The following RIPPLY1 variants were observed in gnomAD, a reference collection of about 807,000 sequenced individuals.
RIPPLY1 encodes the protein protein ripply1.
RIPPLY1 carries 10 observed loss-of-function variants against 8.7 expected under a neutral mutation model. The ratio of observed to expected loss-of-function variants is 1.15; its 90% CI spans 0.71 to 1.94. The LOEUF is 1.94. Among genes scored for constraint, RIPPLY1 ranks in the 30% most tolerant of loss-of-function variants. The probability of loss-of-function intolerance (pLI) is 0.00; values close to 1 mark genes in which losing one functional copy is unlikely to be tolerated. For synonymous variants in RIPPLY1, 54 were observed against 44.8 expected (o/e 1.20, Z -0.82); for missense variants, 118 against 108.7 (o/e 1.09, Z -0.38).
chrX:106,901,597 C>A, intron 2 of RIPPLY1, 59 bp from the exon 3 acceptor site: 2 of 1,111,591 alleles, frequency 1.8e-6, no homozygotes. Context: ...ACTTCCTCCT[C>A]TGTACTAGAG....
At chrX:106,903,004 G>A in intron 1 of RIPPLY1, 129 bp downstream of exon 1, 2 of 673,915 alleles carry the variant, frequency 3.0e-6, no homozygotes, top group Non-Finnish European at 4.5e-6. Flanking sequence ...GAGTTGAGGA[G>A]GGAGGGCTAT....
chrX:106,902,132 G>C lies in RIPPLY1; in HGVS notation c.231+8C>G, dbSNP rs574055315. The C allele has an allele frequency of 8.4e-7, 1 of 1,188,569 alleles. No homozygotes were observed. Among genetic ancestry groups the C allele is most frequent in the African/African-American group, 1.8e-5 (1 of 56,573 alleles). On this transcript the variant is annotated splice_region_variant and intron_variant, in intron 2 of 3. Transcript: ENST00000276173. The stretch of plus-strand genomic sequence containing the variant: ...ATGTGAACACACGTCACAAGGGCTC[G>C]AACTCACCAAATCCACCAGCTTCCT...
rs371828879 is a variant in RIPPLY1, at chrX:106,903,281, A to G, written c.7T>C (p.Ser3Pro). 6.7e-5 allele frequency: 80 copies of G among 1,200,371 alleles called. No individual in the cohort carries two copies. The Middle Eastern group carries it at 8.1e-4, about 12-fold the overall frequency. Residue 3 changes from serine (S) to proline (P), a missense_variant, in exon 1 of 4, where the codon TCT becomes CCT. Ser to Pro is a moderately conservative substitution (Grantham distance 74). Transcript: ENST00000276173. ...GTGGCAGCAGCAGCACAGGCAGCAG[A>G]GTCCATTCTTAGGGGACCAAAGCCA... Reference protein sequence around the residue: MDSAACAAAATPV... With the variant: MDPAACAAAATPV...
In RIPPLY1 at chrX:106,900,874, G is replaced by A. The variant is rs192157677; in HGVS notation, c.331C>T (p.Leu111=). The change falls in exon 4 of 4, where the codon CTG becomes TTG. Residue 111 remains leucine, a synonymous_variant. Coordinates refer to ENST00000276173, the MANE Select transcript of RIPPLY1 (RefSeq NM_138382.3). ...FWPKSRSFDY[L]YSAGEILLQN... ...AGTAAAATCTCCCCAGCACTGTACA[G>A]ATAGTCGAAGGAGCGGGATTTAGGC... 1.7e-4 allele frequency: 203 copies of A among 1,209,306 alleles called. No individual in the cohort carries two copies. The African/African-American group carries it at 2.7e-3, about 16-fold the overall frequency.
Position 106,900,793 on chromosome X carries a change from C to T in RIPPLY1, c.412G>A (p.Glu138Lys), listed in dbSNP as rs375066387. The part of the protein sequence containing the change: ...INLYEDSDSE[E>K]EEEDEEQEDE... ...TCCTGCTCTTCATCTTCCTCTTCTT[C>T]TTCGCTGTCTGAGTCCTCGTATAGG... Residue 138 changes from glutamate to lysine, a missense_variant, in exon 4 of 4, where the codon GAA (glutamate) becomes AAA (lysine). Transcript: ENST00000276173. The T allele has an allele frequency of 3.7e-5, 45 of 1,209,739 alleles. No individual in the cohort carries two copies. The highest frequency in any genetic ancestry group is 4.9e-5 in the Non-Finnish European group (44 of 895,068).
rs1933134987 is a variant in RIPPLY1 at position 106,903,316 on chromosome X, C to G, written c.-29G>C. ...TAGGGGACCAAAGCCAGTGGGGTCT[C>G]CTACTTCCCAGAACCTTCTGCACTC... On this transcript the variant is annotated 5_prime_UTR_variant, in exon 1 of 4. Transcript: ENST00000276173. 1 of 1,171,336 alleles carries G rather than the reference C, an allele frequency of 8.5e-7. No individual in the cohort carries two copies. Among genetic ancestry groups the G allele is most frequent in the Non-Finnish European group, 1.1e-6 (1 of 874,303 alleles).
At chrX:106,901,330 C>A (rs978137986) in intron 3 of RIPPLY1, 144 bp downstream of exon 3, 52 of 582,384 alleles carry the variant, frequency 8.9e-5, no homozygotes, top group Non-Finnish European at 1.4e-4. Context: ...AGTCCCTTAA[C>A]CTCTCTGGGC....
Position 106,900,573 on chromosome X carries a change from A to T in RIPPLY1, c.*176T>A. On this transcript the variant is annotated 3_prime_UTR_variant, in exon 4 of 4. Transcript: ENST00000276173. ...TCCAGAAAGCTCTATCTGCTGGACT[A>T]ATACTTCCGGCTAACTGATGTCTGT... is the stretch of plus-strand genomic sequence containing the variant. The T allele has an allele frequency of 1.1e-6, 1 of 871,543 alleles. No individual in the cohort carries two copies. Among genetic ancestry groups the T allele is most frequent in the Non-Finnish European group, 1.5e-6 (1 of 649,520 alleles). 71.8% of individuals were successfully genotyped at this position (871,543 alleles called of 1,213,427 possible).
chrX:106,901,913 C>T (rs1167016199), intron 2 of RIPPLY1, among the ~76,000 whole-genome samples: 5 of 111,979 alleles, frequency 4.5e-5, no homozygotes, highest in African/African-American at 1.6e-4. Flanking sequence ...GGCTGTGGGG[C>T]CTGCCCAGAT....
intron 3 of RIPPLY1, among the ~76,000 whole-genome samples, chrX:106,901,158 G>C (rs1382934233): frequency 2.7e-5 from 3 of 112,122 alleles, no homozygotes; most frequent in African/African-American, 6.5e-5. Context: ...GTCACTTATG[G>C]CTCTGACTCC....
rs752101453 is a variant in RIPPLY1, at chrX:106,900,917, A to G, written c.297-9T>C. ...ATTTAGGCCAGAAGAGCCTGTGGACAGAGAAGAAACATGGCCCCTAACAGG... is the reference window on the plus strand; with the variant it reads ...ATTTAGGCCAGAAGAGCCTGTGGACGGAGAAGAAACATGGCCCCTAACAGG... On this transcript the variant is annotated splice_polypyrimidine_tract_variant and intron_variant, in intron 3 of 3. Transcript: ENST00000276173. 28 of 1,205,103 alleles carry G rather than the reference A, an allele frequency of 2.3e-5. No homozygotes were observed. Among genetic ancestry groups the G allele is most frequent in the East Asian group, 1.5e-4 (5 of 33,651 alleles).
chrX:106,901,402 A>G lies in RIPPLY1; in HGVS notation c.296+72T>C, dbSNP rs1441108165. The G allele has an allele frequency of 7.8e-6, 8 of 1,021,301 alleles. No homozygotes were observed. The Admixed American group carries it at 1.8e-4, about 23-fold the overall frequency. 84.2% of individuals were successfully genotyped at this position (1,021,301 alleles called of 1,213,427 possible). ...AGCAATTCCTCCCCTCTCCTGCTTCACAAGACCTTTGTGAAGATTCAAAGA... is the reference window on the plus strand; with the variant it reads ...AGCAATTCCTCCCCTCTCCTGCTTCGCAAGACCTTTGTGAAGATTCAAAGA... On this transcript the variant is annotated intron_variant, in intron 3 of 3. Transcript: ENST00000276173.
In RIPPLY1 at chrX:106,903,339, C is replaced by T; in HGVS notation, c.-52G>A. 2.7e-6 allele frequency: 3 copies of T among 1,114,498 alleles called. No homozygotes were observed. The highest frequency in any genetic ancestry group is 3.6e-6 in the Non-Finnish European group (3 of 840,215). The allele number at this position is 1,114,498 out of a possible 1,213,427, so 91.8% of individuals were successfully genotyped here. On this transcript the variant is annotated 5_prime_UTR_variant, in exon 1 of 4. In the 5' UTR this introduces an upstream ATG that the reference lacks. Coordinates refer to ENST00000276173, the MANE Select transcript of RIPPLY1 (RefSeq NM_138382.3). ...CTCCTACTTCCCAGAACCTTCTGCACTCTTTTGGCTTTTCCTGGGAGACCC... is the reference window on the plus strand; with the variant it reads ...CTCCTACTTCCCAGAACCTTCTGCATTCTTTTGGCTTTTCCTGGGAGACCC...
chrX:106,900,586 A>G lies in RIPPLY1; in HGVS notation c.*163T>C, dbSNP rs1933075070. ...ATCTGCTGGACTAATACTTCCGGCT[A>G]ACTGATGTCTGTGAAAACTTGCCAG... On this transcript the variant is annotated 3_prime_UTR_variant, in exon 4 of 4. Coordinates refer to ENST00000276173, the MANE Select transcript of RIPPLY1 (RefSeq NM_138382.3). 3 of 930,328 alleles carry G rather than the reference A, an allele frequency of 3.2e-6. No individual in the cohort carries two copies. Among genetic ancestry groups the G allele is most frequent in the African/African-American group, 4.0e-5 (2 of 49,924 alleles). 76.7% of individuals were successfully genotyped at this position (930,328 alleles called of 1,213,427 possible).
intron 1 of RIPPLY1, among the ~76,000 whole-genome samples, chrX:106,902,794 C>T (rs939541616): frequency 4.5e-5 from 5 of 112,212 alleles, no homozygotes; most frequent in African/African-American, 1.6e-4. Context: ...CCTCTTTCCC[C>T]AAACTCCCCA....
chrX:106,901,871 C>G (rs747605930), intron 2 of RIPPLY1, among the ~76,000 whole-genome samples: 1 of 111,743 alleles, frequency 8.9e-6, no homozygotes, highest in East Asian at 2.8e-4. Flanking sequence ...TGCCAGGAGA[C>G]GAGGCCTCAA....
rs756017902 is a variant in RIPPLY1 at position 106,903,133 on chromosome X, C to A, written c.155G>T (p.Arg52Ile). The change falls in exon 1 of 4, where the codon AGA becomes ATA. Residue 52 changes from arginine (R) to isoleucine (I), a missense_variant and splice_region_variant. Physicochemically the swap from Arg to Ile is moderately conservative, Grantham distance 97. Coordinates refer to ENST00000276173, the MANE Select transcript of RIPPLY1 (RefSeq NM_138382.3). ...SSGQEVNGSE[R>I]GTCLWRPWLS... ...TTGCCAAAGGCTAAGCTCAACTTACCTTTCACTCCCATTTACTTCTTGTCC... is the reference window on the plus strand; with the variant it reads ...TTGCCAAAGGCTAAGCTCAACTTACATTTCACTCCCATTTACTTCTTGTCC... 8 of 1,211,127 alleles carry A rather than the reference C, an allele frequency of 6.6e-6. No individual in the cohort carries two copies. In the South Asian group the frequency reaches 1.2e-4, roughly 19 times the overall value.
intron 1 of RIPPLY1, among the ~76,000 whole-genome samples, 197 bp from the exon 2 acceptor site, chrX:106,902,412 G>A (rs751431529): frequency 1.2e-4 from 13 of 112,168 alleles, no homozygotes; most frequent in African/African-American, 2.6e-4. Flanking sequence ...TTATCATGCT[G>A]TTTTGTAATT....
Position 106,902,165 on chromosome X carries a change from C to T in RIPPLY1, c.206G>A (p.Arg69Lys). The T allele has an allele frequency of 2.5e-6, 3 of 1,194,482 alleles. No homozygotes were observed. The highest frequency in any genetic ancestry group is 3.4e-6 in the Non-Finnish European group (3 of 886,659). Residue 69 changes from arginine (R) to lysine (K), a missense_variant, in exon 2 of 4, where the codon AGG becomes AAG. Coordinates refer to ENST00000276173, the MANE Select transcript of RIPPLY1 (RefSeq NM_138382.3). ...PWLSSTNDSP[R>K]QMRKLVDLAA... ...CAAATCCACCAGCTTCCTCATCTGC[C>T]TTGGGGAGTCATTTGTGGAAGACAG...
Sources: gnomAD v4.1 joint callset for allele counts (sites outside exome capture counted in the v4.1 genomes callset) on GRCh38, gnomAD v4.1.1 for gene constraint, MANE v1.5 for transcripts, NCBI Gene and HGNC (gene_info 2026-07-23, HGNC 2026-07-21) for gene names.